The following LRRC75A variants were observed in gnomAD, a reference collection of about 807,000 sequenced individuals.
LRRC75A encodes leucine-rich repeat-containing protein 75A.
Under a neutral mutation model 26.0 loss-of-function variants are expected in LRRC75A, and 12 were observed. The ratio of observed to expected loss-of-function variants is 0.46; its 90% CI spans 0.30 to 0.75. LRRC75A has a LOEUF of 0.75. LRRC75A is among the 30% of genes least tolerant of loss of function. The pLI, the probability that LRRC75A is intolerant of heterozygous loss-of-function variation, is 0.08. For missense variants in LRRC75A, 410 were observed against 486.6 expected (o/e 0.84, Z 1.48); for synonymous variants, 223 against 219.3 (o/e 1.02, Z -0.15).
intron 1 of LRRC75A, among the ~76,000 whole-genome samples, chr17:16,488,742 T>A (rs1350622947): frequency 6.6e-6 from 1 of 152,256 alleles, no homozygotes; most frequent in Non-Finnish European, 1.5e-5. Context: ...CCTGGCATCC[T>A]GCCTGCACCC....
chr17:16,489,580 C>T (rs1037527504), intron 1 of LRRC75A, among the ~76,000 whole-genome samples: 2 of 152,236 alleles, frequency 1.3e-5, no homozygotes, highest in Non-Finnish European at 2.9e-5. Context: ...GTGCACAGCA[C>T]AAATCCAGCT....
intron 1 of LRRC75A, among the ~76,000 whole-genome samples, chr17:16,473,212 G>A (rs1386568350): frequency 6.6e-6 from 1 of 152,146 alleles, no homozygotes; most frequent in Non-Finnish European, 1.5e-5. Flanking sequence ...ACCCTGCAGA[G>A]TCCAGGGCAG....
At chr17:16,454,258 G>A (rs767928537) in intron 2 of LRRC75A, among the ~76,000 whole-genome samples, 1 of 152,112 alleles carries the variant, frequency 6.6e-6, no homozygotes, top group Non-Finnish European at 1.5e-5. Flanking sequence ...TAGGCATGGT[G>A]GCGGGCACCT....
chr17:16,487,463 G>A (rs762351330), intron 1 of LRRC75A, among the ~76,000 whole-genome samples: 6 of 152,160 alleles, frequency 3.9e-5, no homozygotes, highest in Non-Finnish European at 8.8e-5. Context: ...TAAACTCTTA[G>A]GTCCTGGCTC....
At chr17:16,444,196 G>A in intron 3 of LRRC75A, 65 bp from the exon 4 acceptor site, 2 of 1,326,098 alleles carry the variant, frequency 1.5e-6, no homozygotes, top group South Asian at 1.4e-5. Flanking sequence ...AGAAGCTGCA[G>A]TGCCAGCCTC....
At position 16,442,437 on chromosome 17, in the gene LRRC75A, TG is replaced by T. The variant is rs2143007288; in HGVS notation, c.*1150del. 6.6e-6 allele frequency: 1 copy of T among 152,428 alleles called. No homozygotes were observed. Among genetic ancestry groups the T allele is most frequent in the African/African-American group, 2.4e-5 (1 of 41,590 alleles). 9.4% of individuals were successfully genotyped at this position (152,428 alleles called of 1,614,324 possible). ...CCCAGTCTTCCTGGACTGAACTACT[TG>T]GATCTAGGGGTTGCCTGTTATTTAG... On this transcript the variant is annotated 3_prime_UTR_variant, in exon 4 of 4. Coordinates refer to ENST00000470794, the MANE Select transcript of LRRC75A (RefSeq NM_001113567.3).
intron 1 of LRRC75A, among the ~76,000 whole-genome samples, chr17:16,476,941 T>C (rs543225594): frequency 9.2e-5 from 14 of 151,832 alleles, no homozygotes; most frequent in East Asian, 1.9e-4. Flanking sequence ...GGTTTCACCG[T>C]GTTAGCCAGG....
intron 2 of LRRC75A, among the ~76,000 whole-genome samples, chr17:16,458,263 C>A (rs573107964): frequency 1.3e-5 from 2 of 151,826 alleles, no homozygotes; most frequent in Non-Finnish European, 2.9e-5. Flanking sequence ...GTCGAGATTG[C>A]GCCATTGCAC....
Position 16,444,011 on chromosome 17 carries a change from T to C in LRRC75A, c.612A>G (p.Val204=), listed in dbSNP as rs61745139. Residue 204 remains valine (V), a synonymous_variant, in exon 4 of 4, where the codon GTA becomes GTG. Transcript: ENST00000470794. ...TSYLQRCGEQ[V]DSVELGFTGL... is the part of the protein sequence containing the mutation. ...CTGTGAAGCCCAGCTCCACGCTGTC[T>C]ACCTGCTCCCCACAGCGCTGTAGGT... 187,673 of 1,613,680 alleles carry C rather than the reference T, an allele frequency of 0.12. 12,222 individuals are homozygous for C. The highest frequency in any genetic ancestry group is 0.14 in the Non-Finnish European group (160,024 of 1,179,828).
Position 16,492,083 on chromosome 17 carries a change from C to T in LRRC75A, c.-93G>A. ...CTCGGCCGCCCGTGCGCGCTCGCCT[C>T]CCGGGCTGCAACTTTGGGGGAACTG... On this transcript the variant is annotated 5_prime_UTR_variant, in exon 1 of 4. Transcript: ENST00000470794. The T allele has an allele frequency of 3.9e-6, 4 of 1,034,934 alleles. No individual in the cohort carries two copies. The highest frequency in any genetic ancestry group is 4.6e-6 in the Non-Finnish European group (4 of 861,864). 64.1% of individuals were successfully genotyped at this position (1,034,934 alleles called of 1,614,324 possible).
intron 1 of LRRC75A, among the ~76,000 whole-genome samples, chr17:16,473,862 C>A (rs1012225225): frequency 6.6e-6 from 1 of 152,152 alleles, no homozygotes; most frequent in African/African-American, 2.4e-5. Flanking sequence ...CAGGAGTCAG[C>A]GGGCTGGGCA....
chr17:16,460,614 G>A (rs1009605082), intron 2 of LRRC75A, among the ~76,000 whole-genome samples: 10 of 152,332 alleles, frequency 6.6e-5, no homozygotes, highest in African/African-American at 1.9e-4. Flanking sequence ...CCTGTGTCCC[G>A]CCCGGCTCTG....
chr17:16,464,731 C>T (rs183891145), intron 1 of LRRC75A, among the ~76,000 whole-genome samples: 225 of 152,354 alleles, frequency 1.5e-3, no homozygotes, highest in Non-Finnish European at 2.7e-3. Context: ...ACAGAGTCCA[C>T]ACTGGCCTCA....
Position 16,441,704 on chromosome 17 carries a change from C to CCG in LRRC75A, c.*1883_*1884insCG. 2 of 269,156 alleles carry CCG rather than the reference C, an allele frequency of 7.4e-6. No homozygotes were observed. The highest frequency in any genetic ancestry group is 3.4e-5 in the South Asian group (1 of 29,118). The allele number at this position is 269,156 out of a possible 1,614,324, so 16.7% of individuals were successfully genotyped here. On this transcript the variant is annotated 3_prime_UTR_variant, in exon 4 of 4. Transcript: ENST00000470794. ...TCCTCCCACCTTGTAGCTGGGACTA[C>CCG]AGCTCACAGCACACCTGGCTAAAAT... is the stretch of plus-strand genomic sequence containing the variant.
rs577004476 is a variant in LRRC75A at position 16,468,811 on chromosome 17, C to T, written c.247-6425G>A. On this transcript the variant is annotated intron_variant, in intron 1 of 3. Transcript: ENST00000470794. ...GGCTGAAGCAGGAGGACAGCTTGAG[C>T]CAGGGAGGTTGAGGCTGAAGTGGGC... Among the ~76,000 whole-genome samples the T allele has an allele frequency of 2.6e-5, 4 of 152,296 alleles. No homozygotes were observed. The South Asian group carries it at 8.3e-4, about 32-fold the overall frequency.
At position 16,443,443 on chromosome 17, in the gene LRRC75A, A is replaced by C. The variant is rs1141283; in HGVS notation, c.*145T>G. ...TAACACAAATCCCCTTCCCCAGATGATATGGTTTGCCTTTCTGTAGGTGGG... is the reference window on the plus strand; with the variant it reads ...TAACACAAATCCCCTTCCCCAGATGCTATGGTTTGCCTTTCTGTAGGTGGG... On this transcript the variant is annotated 3_prime_UTR_variant, in exon 4 of 4. Coordinates refer to ENST00000470794, the MANE Select transcript of LRRC75A (RefSeq NM_001113567.3). The C allele has an allele frequency of 0.63, 409,013 of 648,072 alleles. 133,208 individuals are homozygous for C. The highest frequency in any genetic ancestry group is 0.74 in the African/African-American group (40,950 of 55,152). 40.1% of individuals were successfully genotyped at this position (648,072 alleles called of 1,614,324 possible). A position where few individuals can be genotyped will look rare whatever the true frequency, so the allele number is the denominator to read the frequency against.
intron 2 of LRRC75A, among the ~76,000 whole-genome samples, chr17:16,453,340 ACG>A (rs2093651035): frequency 4.9e-5 from 7 of 141,458 alleles, no homozygotes; most frequent in Admixed American, 2.1e-4. Context: ...ACACGCACAC[ACG>A]CACACGCACA....
Position 16,473,421 on chromosome 17 carries a change from T to G in LRRC75A, c.247-11035A>C, listed in dbSNP as rs371478370. On this transcript the variant is annotated intron_variant, in intron 1 of 3. Transcript: ENST00000470794. ...AGGCCTCCTCACAGTCCTGCTGATGTCTAAGGTGGGCATTGCCCGGCTCCT... is the reference window on the plus strand; with the variant it reads ...AGGCCTCCTCACAGTCCTGCTGATGGCTAAGGTGGGCATTGCCCGGCTCCT... 3.1e-3 allele frequency among the ~76,000 whole-genome samples: 474 copies of G among 152,092 alleles called. 4 individuals are homozygous for G. Among genetic ancestry groups the G allele is most frequent in the African/African-American group, 0.011 (447 of 41,498 alleles).
chr17:16,480,553 C>T (rs932676738), intron 1 of LRRC75A, among the ~76,000 whole-genome samples: 1 of 146,486 alleles, frequency 6.8e-6, no homozygotes, highest in African/African-American at 2.6e-5. Context: ...CACTTGAACC[C>T]AGGAGGTGGA....
Sources: allele counts gnomAD v4.1 joint callset (sites outside exome capture counted in the v4.1 genomes callset), GRCh38; gene constraint gnomAD v4.1.1; transcripts MANE v1.5; gene names NCBI Gene and HGNC (gene_info 2026-07-23, HGNC 2026-07-21).